The following TUSC3 variants were observed in gnomAD, a reference collection of about 807,000 sequenced individuals.
TUSC3 encodes tumor suppressor candidate 3, also known as dolichyl-diphosphooligosaccharide--protein glycosyltransferase subunit TUSC3.
In TUSC3, 45 loss-of-function variants were observed where a neutral mutation model predicts 44.8. The observed-to-expected ratio is 1.00, with a 90% confidence interval of 0.79 to 1.29. The LOEUF (loss-of-function observed/expected upper bound fraction) is 1.29, where lower values mean the gene tolerates loss of function less well. TUSC3 is among the 50% of genes most tolerant of loss of function. TUSC3 has a pLI of 0.00. For missense variants in TUSC3, 519 were observed against 437.9 expected, an observed-to-expected ratio of 1.19 and a Z score of -1.65; for synonymous variants, 212 against 152.9, an observed-to-expected ratio of 1.39 and a Z score of -2.85.
At chr8:15,720,509 C>T (rs1037572606) in intron 6 of TUSC3, among the ~76,000 whole-genome samples, 6 of 152,006 alleles carry the variant, frequency 3.9e-5, no homozygotes, top group Non-Finnish European at 8.8e-5. Flanking sequence ...TTCTTAGACA[C>T]GTTTCATTTA....
At chr8:15,583,599 G>A (rs76058749) in intron 1 of TUSC3, among the ~76,000 whole-genome samples, 1 of 152,122 alleles carries the variant, frequency 6.6e-6, no homozygotes, top group African/African-American at 2.4e-5. Context: ...TAAGAAAGAA[G>A]AATTTTGAAA....
downstream of TUSC3, among the ~76,000 whole-genome samples, chr8:15,769,059 A>C (rs1052963382): frequency 6.6e-6 from 1 of 152,178 alleles, no homozygotes; most frequent in Non-Finnish European, 1.5e-5. Flanking sequence ...TCTTTATAGA[A>C]TTAGAAAGAA....
chr8:15,421,725 T>C (rs1042927713), intron 1 of TUSC3, among the ~76,000 whole-genome samples: 35 of 152,118 alleles, frequency 2.3e-4, no homozygotes, highest in Admixed American at 6.6e-5. Context: ...ATGAATGAAA[T>C]AGAGCTGAAA....
the TUSC3 span, among the ~76,000 whole-genome samples, chr8:15,804,002 A>G: frequency 6.6e-6 from 1 of 152,204 alleles, no homozygotes; most frequent in African/African-American, 2.4e-5. Context: ...TAATGCTGCA[A>G]TAAACATACG....
chr8:15,575,848 C>G (rs1201293548), intron 1 of TUSC3, among the ~76,000 whole-genome samples: 2 of 151,952 alleles, frequency 1.3e-5, no homozygotes. Context: ...GGAAATTATA[C>G]ATGTTTAGGC....
At chr8:15,513,395 G>T (rs932289308) in intron 2 of TUSC3, among the ~76,000 whole-genome samples, 3 of 151,976 alleles carry the variant, frequency 2.0e-5, no homozygotes, top group Admixed American at 2.0e-4. Flanking sequence ...TCTTTCCTAG[G>T]GATATTTGCT....
intron 6 of TUSC3, among the ~76,000 whole-genome samples, chr8:15,727,635 A>G (rs537547790): frequency 3.7e-4 from 56 of 152,320 alleles, no homozygotes; most frequent in African/African-American, 1.3e-3. Flanking sequence ...CCTGAATATT[A>G]TATTTTAAAA....
At chr8:15,779,428 A>C in the TUSC3 span, among the ~76,000 whole-genome samples, 1 of 151,888 alleles carries the variant, frequency 6.6e-6, no homozygotes, top group African/African-American at 2.4e-5. Flanking sequence ...CCATGTGATT[A>C]ATCAAACATG....
At chr8:15,453,100 C>T (rs569417401) in intron 1 of TUSC3, among the ~76,000 whole-genome samples, 1 of 152,100 alleles carries the variant, frequency 6.6e-6, no homozygotes, top group African/African-American at 2.4e-5. Context: ...GGTATCTAGA[C>T]TTGAGAGCTA....
intron 2 of TUSC3, among the ~76,000 whole-genome samples, chr8:15,504,419 G>T (rs1213931953): frequency 6.6e-6 from 1 of 151,442 alleles, no homozygotes; most frequent in Non-Finnish European, 1.5e-5. Context: ...CCCAACAAGG[G>T]AAAGTTGTTG....
chr8:15,775,496 C>T, the TUSC3 span, among the ~76,000 whole-genome samples: 3 of 151,944 alleles, frequency 2.0e-5, no homozygotes, highest in Non-Finnish European at 4.4e-5. Context: ...ATTGTGCATA[C>T]AGCTATATAA....
intron 2 of TUSC3, among the ~76,000 whole-genome samples, chr8:15,485,950 C>T (rs1361759655): frequency 1.3e-5 from 2 of 151,948 alleles, no homozygotes; most frequent in African/African-American, 4.8e-5. Flanking sequence ...ACCACCAAGC[C>T]CGGCTTATTT....
At chr8:15,540,250 C>A, upstream of TUSC3, 1 of 857,154 alleles carries the variant, frequency 1.2e-6, no homozygotes, top group Non-Finnish European at 1.6e-6. Flanking sequence ...CCCGGTGAAC[C>A]GGATGCTCTG....
At chr8:15,630,428 C>T (rs957366927) in intron 2 of TUSC3, among the ~76,000 whole-genome samples, 1 of 151,698 alleles carries the variant, frequency 6.6e-6, no homozygotes, top group East Asian at 1.9e-4. Context: ...ATTGGGGACG[C>T]TATGTTAAGT....
At chr8:15,796,602 A>G in the TUSC3 span, among the ~76,000 whole-genome samples, 1 of 152,178 alleles carries the variant, frequency 6.6e-6, no homozygotes. Context: ...ACTCAGCCAA[A>G]CCATCAGTGA....
intron 1 of TUSC3, among the ~76,000 whole-genome samples, chr8:15,590,879 G>T (rs1463152778): frequency 4.6e-5 from 7 of 152,026 alleles, no homozygotes; most frequent in Admixed American, 1.3e-4. Context: ...TTGCTATGTT[G>T]CCCAGGCTGG....
intron 1 of TUSC3, among the ~76,000 whole-genome samples, chr8:15,429,312 C>G (rs1462303203): frequency 6.6e-6 from 1 of 151,922 alleles, no homozygotes; most frequent in Non-Finnish European, 1.5e-5. Context: ...GGGCTCTGTT[C>G]TGTTCCATTG....
chr8:15,442,189 C>T (rs7827587), intron 1 of TUSC3, among the ~76,000 whole-genome samples: 146,100 of 152,096 alleles, frequency 0.96, 70,381 homozygotes, highest in Non-Finnish European at 1. Context: ...AGTATATATA[C>T]GATTTTTGTC....
chr8:15,584,393 G>A (rs1339968567), intron 1 of TUSC3, among the ~76,000 whole-genome samples: 1 of 152,114 alleles, frequency 6.6e-6, no homozygotes, highest in African/African-American at 2.4e-5. Flanking sequence ...TCTCTTATCT[G>A]TTTTGATTAA....
Sources: gnomAD v4.1 joint callset for allele counts (sites outside exome capture counted in the v4.1 genomes callset) on GRCh38, gnomAD v4.1.1 for gene constraint, MANE v1.5 for transcripts, NCBI Gene and HGNC (gene_info 2026-07-23, HGNC 2026-07-21) for gene names.